RBMS3: variants seen among roughly 807,000 people sequenced by gnomAD.
RBMS3 encodes the protein RNA binding motif single stranded interacting protein 3.
In RBMS3, 27 loss-of-function variants were observed where a neutral mutation model predicts 66.8. That is an observed-to-expected ratio of 0.40 (90% CI 0.30 to 0.56). RBMS3 has a LOEUF of 0.56. Among genes scored for constraint, RBMS3 ranks in the 20% least tolerant of loss-of-function variants. The pLI, the probability that RBMS3 is intolerant of heterozygous loss-of-function variation, is 0.40. For synonymous variants in RBMS3, 188 were observed against 183.0 expected (o/e 1.03, Z -0.22); for missense variants, 513 against 549.5 (o/e 0.93, Z 0.66).
chr3:29,405,735 A>T (rs548386998), intron 1 of RBMS3, among the ~76,000 whole-genome samples: 1 of 152,176 alleles, frequency 6.6e-6, no homozygotes, highest in Admixed American at 6.5e-5. Context: ...GGGAAAATTC[A>T]GCCATTTTAT....
At chr3:29,826,176 T>A (rs984247225) in intron 6 of RBMS3, among the ~76,000 whole-genome samples, 4 of 152,198 alleles carry the variant, frequency 2.6e-5, no homozygotes, top group African/African-American at 9.6e-5. Context: ...TAGTTATTAC[T>A]ATAGATATTT....
chr3:29,436,220 T>C (rs1436665614), intron 2 of RBMS3, among the ~76,000 whole-genome samples: 7 of 152,164 alleles, frequency 4.6e-5, no homozygotes, highest in Non-Finnish European at 1.0e-4. Flanking sequence ...AAGCAGAAAA[T>C]ATTTATTTGC....
intron 4 of RBMS3, among the ~76,000 whole-genome samples, chr3:29,650,005 C>T (rs566746416): frequency 2.6e-5 from 4 of 152,264 alleles, no homozygotes; most frequent in Non-Finnish European, 5.9e-5. Flanking sequence ...CTATTGGCCA[C>T]GCCCCTCAGG....
intron 6 of RBMS3, among the ~76,000 whole-genome samples, chr3:29,770,985 T>C (rs1007613836): frequency 5.3e-5 from 8 of 152,068 alleles, no homozygotes; most frequent in African/African-American, 1.9e-4. Flanking sequence ...AAAAGCCTGC[T>C]ATACATACAC....
chr3:29,694,865 A>ATTTTT (rs1243594580), intron 4 of RBMS3, among the ~76,000 whole-genome samples: 14 of 134,744 alleles, frequency 1.0e-4, no homozygotes, highest in African/African-American at 4.8e-4. Flanking sequence ...TTTTTTTAAA[A>ATTTTT]AAAAAATACA....
chr3:29,416,540 ATT>A (rs35010693), intron 1 of RBMS3, among the ~76,000 whole-genome samples: 2 of 150,540 alleles, frequency 1.3e-5, no homozygotes, highest in African/African-American at 2.4e-5. Flanking sequence ...CCCTATTTGC[ATT>A]TTTTTTTTCC....
At chr3:29,513,137 C>T (rs1041022878) in intron 3 of RBMS3, among the ~76,000 whole-genome samples, 4 of 152,096 alleles carry the variant, frequency 2.6e-5, no homozygotes, top group Non-Finnish European at 4.4e-5. Context: ...ACACTGGTGG[C>T]GGATTTTTAT....
At chr3:29,790,347 G>T (rs1483901217) in intron 6 of RBMS3, among the ~76,000 whole-genome samples, 2 of 152,098 alleles carry the variant, frequency 1.3e-5, no homozygotes, top group African/African-American at 4.8e-5. Context: ...GGCGTCTTTT[G>T]TAAAGTATAG....
At chr3:29,996,090 A>G (rs1699209325) in intron 14 of RBMS3, among the ~76,000 whole-genome samples, 1 of 151,952 alleles carries the variant, frequency 6.6e-6, no homozygotes, top group Non-Finnish European at 1.5e-5. Context: ...AAGCCAATGG[A>G]AAACAAAAAA....
chr3:29,316,019 G>A (rs898338982), intron 1 of RBMS3, among the ~76,000 whole-genome samples: 4 of 151,646 alleles, frequency 2.6e-5, no homozygotes, highest in African/African-American at 9.7e-5. Flanking sequence ...CAAATGCTCT[G>A]TTGGCTACCT....
chr3:29,996,465 A>AT (rs1477083207), intron 14 of RBMS3, among the ~76,000 whole-genome samples: 108 of 149,810 alleles, frequency 7.2e-4, no homozygotes, highest in African/African-American at 2.5e-3. Flanking sequence ...CAGAATATAC[A>AT]TTTTTTTCAG....
rs533621882 is a variant in RBMS3, at chr3:29,302,858, T to A, written c.75+21102T>A. Among the ~76,000 whole-genome samples, 4 of 152,158 alleles carry A rather than the reference T, an allele frequency of 2.6e-5. No individual in the cohort carries two copies. The South Asian group carries it at 8.3e-4, about 32-fold the overall frequency. ...TCTATTTCTTTATCTCTTAATTACA[T>A]TTTATCAGCAAACTTCCTATGCTTT... is the stretch of plus-strand genomic sequence containing the variant. On this transcript the variant is annotated intron_variant, in intron 1 of 14. Transcript: ENST00000383767.
chr3:29,287,090 G>A (rs959431762), intron 1 of RBMS3, among the ~76,000 whole-genome samples: 1 of 152,134 alleles, frequency 6.6e-6, no homozygotes, highest in South Asian at 2.1e-4. Context: ...ATGTATTCAT[G>A]TGGTGTAATA....
At chr3:29,697,078 T>G (rs1332230820) in intron 4 of RBMS3, 6 of 985,248 alleles carry the variant, frequency 6.1e-6, no homozygotes, top group Non-Finnish European at 7.2e-6. Flanking sequence ...GCCTGTGTGC[T>G]CAGCATGGTA....
At chr3:29,354,136 A>C (rs1163131525) in intron 1 of RBMS3, among the ~76,000 whole-genome samples, 1 of 152,020 alleles carries the variant, frequency 6.6e-6, no homozygotes, top group Non-Finnish European at 1.5e-5. Context: ...CTTACTATTT[A>C]TTGATTAATT....
chr3:29,971,546 G>A (rs1697226642), intron 12 of RBMS3, among the ~76,000 whole-genome samples: 3 of 151,860 alleles, frequency 2.0e-5, no homozygotes. Context: ...AAAGAAGCCT[G>A]CTTTTTTAAC....
At chr3:29,928,211 T>TATATATATATATACAC (rs1291440563) in intron 10 of RBMS3, among the ~76,000 whole-genome samples, 15 of 93,492 alleles carry the variant, frequency 1.6e-4, no homozygotes, top group Non-Finnish European at 2.1e-4. Flanking sequence ...TATATATATA[T>TATATATATATATACAC]ACACACACAC....
At chr3:29,500,203 A>T (rs1286495760) in intron 3 of RBMS3, among the ~76,000 whole-genome samples, 1 of 151,628 alleles carries the variant, frequency 6.6e-6, no homozygotes, top group Non-Finnish European at 1.5e-5. Flanking sequence ...AGGGGTTCAA[A>T]GTGAGAAAAT....
chr3:29,647,587 C>G (rs1242164208), intron 4 of RBMS3, among the ~76,000 whole-genome samples: 1 of 141,586 alleles, frequency 7.1e-6, no homozygotes, highest in Non-Finnish European at 1.5e-5. Flanking sequence ...TTGTGTTACT[C>G]CATAGTATCT....
Sources: allele counts gnomAD v4.1 joint callset (sites outside exome capture counted in the v4.1 genomes callset), GRCh38; gene constraint gnomAD v4.1.1; transcripts MANE v1.5; gene names NCBI Gene and HGNC (gene_info 2026-07-23, HGNC 2026-07-21).